The following ZNF446 variants were observed in gnomAD, a reference collection of about 807,000 sequenced individuals.
ZNF446 encodes the protein zinc finger protein 446, also known as zinc finger protein with KRAB and SCAN domains 20.
A neutral mutation model predicts 34.0 loss-of-function variants in ZNF446; 42 were observed. That is an observed-to-expected ratio of 1.23 (90% CI 0.96 to 1.60). The LOEUF (loss-of-function observed/expected upper bound fraction) is 1.60. ZNF446 is among the 40% of genes most tolerant of loss of function. The pLI, the probability that ZNF446 is intolerant of heterozygous loss-of-function variation, is 0.00. For missense variants in ZNF446, 650 were observed against 600.2 expected (o/e 1.08, Z -0.87); for synonymous variants, 315 against 251.0 (o/e 1.25, Z -2.41).
At chr19:58,485,856 A>G (rs916426295), downstream of ZNF446, among the ~76,000 whole-genome samples, 1 of 152,158 alleles carries the variant, frequency 6.6e-6, no homozygotes, top group Non-Finnish European at 1.5e-5. Flanking sequence ...CTGGGATTAC[A>G]GGCTGAGCCA....
Position 58,479,648 on chromosome 19 carries a change from G to A in ZNF446, c.633G>A (p.Glu211=). 6.2e-7 allele frequency: 1 copy of A among 1,613,884 alleles called. No homozygotes were observed. Residue 211 remains glutamate, a synonymous_variant, in exon 5 of 7, where the codon GAG becomes GAA. Transcript: ENST00000594369. ...GTGATGGGCCACATCCGCAGGAGGA[G>A]TGGGGGCTGCTGGACCGGTCACAGA... is the stretch of plus-strand genomic sequence containing the variant. ...TSFHPPRIQE[E]WGLLDRSQKE... is the part of the protein sequence containing the mutation.
downstream of ZNF446, among the ~76,000 whole-genome samples, chr19:58,484,683 A>AT (rs1027397960): frequency 2.6e-5 from 4 of 151,816 alleles, no homozygotes; most frequent in Non-Finnish European, 4.4e-5. Context: ...TTTCGATAAA[A>AT]TTTTTTTTAA....
At position 58,477,744 on chromosome 19, in the gene ZNF446, T is replaced by C; in HGVS notation, c.450T>C (p.Gly150=). ...GGACAGTGGAGTCCCCTGGGGAAGG[T>C]CCCCAGGACACCAGAATAGAGGGGT... The part of the protein sequence containing the change: ...PSGTVESPGE[G]PQDTRIEGSV... Residue 150 remains glycine, a synonymous_variant, in exon 3 of 7, where the codon GGT becomes GGC. Coordinates refer to ENST00000594369, the MANE Select transcript of ZNF446 (RefSeq NM_017908.4). The C allele has an allele frequency of 1.2e-6, 2 of 1,612,774 alleles. No individual in the cohort carries two copies. The highest frequency in any genetic ancestry group is 1.1e-5 in the South Asian group (1 of 90,982).
chr19:58,478,999 C>T (rs1387720637), intron 4 of ZNF446, among the ~76,000 whole-genome samples: 5 of 152,222 alleles, frequency 3.3e-5, no homozygotes, highest in African/African-American at 4.8e-5. Flanking sequence ...CTACCTGGAT[C>T]GCTTGGTTCC....
At chr19:58,488,876 A>C in the ZNF446 span, among the ~76,000 whole-genome samples, 4 of 151,052 alleles carry the variant, frequency 2.6e-5, no homozygotes, top group Non-Finnish European at 4.4e-5. Flanking sequence ...AAAAAAATAC[A>C]AAGTGCCAAT....
chr19:58,488,806 A>C, the ZNF446 span, among the ~76,000 whole-genome samples: 1 of 146,252 alleles, frequency 6.8e-6, no homozygotes, highest in Non-Finnish European at 1.5e-5. Context: ...AGCCAAGATC[A>C]CGCCACTGCA....
downstream of ZNF446, among the ~76,000 whole-genome samples, chr19:58,482,090 G>A (rs548050179): frequency 4.6e-5 from 7 of 152,222 alleles, no homozygotes; most frequent in African/African-American, 7.2e-5. Flanking sequence ...CACCGCGCCC[G>A]GCCAAAATCA....
the ZNF446 span, among the ~76,000 whole-genome samples, chr19:58,487,025 T>C: frequency 2.7e-5 from 2 of 74,650 alleles, no homozygotes; most frequent in Non-Finnish European, 2.9e-5. Flanking sequence ...TGGTCTGACC[T>C]TGTGATCCGT....
chr19:58,486,364 C>T, the ZNF446 span, among the ~76,000 whole-genome samples: 1 of 151,572 alleles, frequency 6.6e-6, no homozygotes, highest in Non-Finnish European at 1.5e-5. Context: ...GGATTGCAGG[C>T]ATGACCCACC....
Position 58,480,328 on chromosome 19 carries a change from G to C in ZNF446, c.955G>C (p.Glu319Gln). ...AGTGCCCACTCAGCCCACACCTGCA[G>C]AGACGAGACTGGAGCCGGCTGCCAC... ...PPVPTQPTPA[E>Q]TRLEPAATPR... is the part of the protein sequence containing the mutation. Residue 319 changes from glutamate to glutamine, a missense_variant, in exon 7 of 7, where the codon GAG becomes CAG. Coordinates refer to ENST00000594369, the MANE Select transcript of ZNF446 (RefSeq NM_017908.4). This position sits in a 1 kb window ranked among gnomAD's most constrained non-coding sequence, Gnocchi z 7.2. The C allele has an allele frequency of 6.3e-7, 1 of 1,589,488 alleles. No individual in the cohort carries two copies. Among genetic ancestry groups the C allele is most frequent in the Non-Finnish European group, 8.6e-7 (1 of 1,168,858 alleles).
rs569265707 is a variant in ZNF446, at chr19:58,477,393, G to A, written c.175G>A (p.Ala59Thr). The A allele has an allele frequency of 4.0e-5, 65 of 1,613,344 alleles. No homozygotes were observed. The South Asian group carries it at 6.0e-4, about 15-fold the overall frequency. The change falls in exon 2 of 7, where the codon GCA (alanine) becomes ACA (threonine). Residue 59 changes from alanine to threonine, a missense_variant. Transcript: ENST00000594369. ...GTGTTGCCAGTGGCTGCAGCCTGAG[G>A]CACACTCCAAGGAGCAGATGCTGGA... is the stretch of plus-strand genomic sequence containing the variant. ...ELCCQWLQPEAHSKEQMLEML... is the reference protein window; with the variant it reads ...ELCCQWLQPETHSKEQMLEML...
At position 58,477,458 on chromosome 19, in the gene ZNF446, C is replaced by G. The variant is rs548707132; in HGVS notation, c.240C>G (p.Pro80=). 17 of 1,613,472 alleles carry G rather than the reference C, an allele frequency of 1.1e-5. No individual in the cohort carries two copies. The highest frequency in any genetic ancestry group is 8.0e-5 in the African/African-American group (6 of 74,924). Residue 80 remains proline (P), a synonymous_variant, in exon 2 of 7, where the codon CCC becomes CCG. Coordinates refer to ENST00000594369, the MANE Select transcript of ZNF446 (RefSeq NM_017908.4). ...VLEQFLGTLP[P]EIQAWVRGQR... ...AGCAGTTCCTGGGCACACTGCCTCC[C>G]GAGATCCAGGCCTGGGTGCGCGGTC...
Position 58,478,169 on chromosome 19 carries a change from A to C in ZNF446, c.615A>C (p.Pro205=). The change falls in exon 4 of 7, where the codon CCA becomes CCC. Residue 205 remains proline (P), a synonymous_variant. Transcript: ENST00000594369. The part of the protein sequence containing the change: ...HQEPASTSFH[P]PRIQEEWGLL... ...AACCAGCCTCCACATCCTTCCACCC[A>C]CCCAGGATTCAGGTGAGCAGCCCCA... is the stretch of plus-strand genomic sequence containing the variant. 6.2e-7 allele frequency: 1 copy of C among 1,613,766 alleles called. No individual in the cohort carries two copies. The highest frequency in any genetic ancestry group is 8.5e-7 in the Non-Finnish European group (1 of 1,179,874).
At chr19:58,487,491 C>T in the ZNF446 span, among the ~76,000 whole-genome samples, 2 of 152,080 alleles carry the variant, frequency 1.3e-5, no homozygotes, top group East Asian at 3.9e-4. Flanking sequence ...AAAAAACCCT[C>T]GACAAACCCA....
chr19:58,483,142 T>TC (rs1380030091), downstream of ZNF446, among the ~76,000 whole-genome samples: 26 of 151,248 alleles, frequency 1.7e-4, no homozygotes, highest in African/African-American at 6.1e-4. Flanking sequence ...GACCACGAGT[T>TC]CAAGACCAAT....
chr19:58,477,844 C>T lies in ZNF446; in HGVS notation c.532+18C>T, dbSNP rs1427890268. Reference sequence around the variant, plus strand: ...GGAAGTGGGTGAGGTTGGGGTCCCACCAGAGATGAGGGACTCCTGGAGGAA... The same window carrying T: ...GGAAGTGGGTGAGGTTGGGGTCCCATCAGAGATGAGGGACTCCTGGAGGAA... On this transcript the variant is annotated intron_variant, in intron 3 of 6. Transcript: ENST00000594369. The T allele has an allele frequency of 6.6e-7, 1 of 1,520,402 alleles. No homozygotes were observed. Among genetic ancestry groups the T allele is most frequent in the African/African-American group, 1.4e-5 (1 of 71,888 alleles). The allele number at this position is 1,520,402 out of a possible 1,614,324, so 94.2% of individuals were successfully genotyped here.
chr19:58,481,570 C>T (rs565504747), downstream of ZNF446, among the ~76,000 whole-genome samples: 14 of 152,320 alleles, frequency 9.2e-5, 1 homozygote, highest in South Asian at 1.7e-3. Flanking sequence ...AGGCCGCACC[C>T]TCCATAGTTA....
chr19:58,484,389 C>G (rs2053158787), downstream of ZNF446, among the ~76,000 whole-genome samples: 1 of 150,650 alleles, frequency 6.6e-6, no homozygotes, highest in Non-Finnish European at 1.5e-5. Context: ...TCACTTGAGT[C>G]CAGGAGGTTG....
chr19:58,479,717 G>A lies in ZNF446; in HGVS notation c.702G>A (p.Val234=). 1 of 1,612,548 alleles carries A rather than the reference G, an allele frequency of 6.2e-7. No homozygotes were observed. ...WDAMLEKYGT[V]VSLGLPPHQP... is the part of the protein sequence containing the mutation. ...CGATGCTGGAGAAGTACGGCACAGT[G>A]GTCTCCCTGGGTGAGGACCAGCCAG... Residue 234 remains valine (V), a synonymous_variant, in exon 5 of 7, where the codon GTG becomes GTA. Coordinates refer to ENST00000594369, the MANE Select transcript of ZNF446 (RefSeq NM_017908.4).
Sources: gnomAD v4.1 joint callset for allele counts (sites outside exome capture counted in the v4.1 genomes callset) on GRCh38, gnomAD v4.1.1 for gene constraint, Gnocchi (gnomAD v3.1) non-coding constraint, MANE v1.5 for transcripts, NCBI Gene and HGNC (gene_info 2026-07-23, HGNC 2026-07-21) for gene names.